Variants in NETO1 observed in about 807,000 individuals in gnomAD.
NETO1 encodes neuropilin and tolloid-like protein 1.
NETO1 carries 26 observed loss-of-function variants against 61.3 expected under a neutral mutation model. The observed-to-expected ratio is 0.42, with a 90% CI of 0.31 to 0.59. The LOEUF is 0.59. Ranked by LOEUF, NETO1 falls within the 20% of genes least tolerant of loss-of-function variation. The probability of loss-of-function intolerance (pLI) is 0.12; values close to 1 mark genes in which losing one functional copy is unlikely to be tolerated. For synonymous variants in NETO1, 225 were observed against 225.8 expected, an observed-to-expected ratio of 1.00 and a Z score of 0.03; for missense variants, 531 against 662.8, an observed-to-expected ratio of 0.80 and a Z score of 2.18.
At chr18:72,860,952 T>C (rs537024049) in intron 3 of NETO1, among the ~76,000 whole-genome samples, 3 of 152,346 alleles carry the variant, frequency 2.0e-5, no homozygotes, top group Non-Finnish European at 4.4e-5. Flanking sequence ...AGTTTTATGA[T>C]GAAACAAATT....
intron 4 of NETO1, among the ~76,000 whole-genome samples, chr18:72,853,043 C>T (rs918893410): frequency 7.9e-5 from 12 of 151,882 alleles, no homozygotes; most frequent in Middle Eastern, 3.2e-3. Context: ...CCATGTTGGC[C>T]AGGTTGGTCT....
intron 7 of NETO1, among the ~76,000 whole-genome samples, chr18:72,777,785 T>C (rs926161504): frequency 6.6e-6 from 1 of 152,080 alleles, no homozygotes; most frequent in East Asian, 1.9e-4. Context: ...TATCTTCGTG[T>C]TCTATCCTTT....
intron 7 of NETO1, among the ~76,000 whole-genome samples, chr18:72,774,548 TA>T (rs1382496708): frequency 6.6e-6 from 1 of 152,174 alleles, no homozygotes; most frequent in Non-Finnish European, 1.5e-5. Context: ...ATTGAGTCCA[TA>T]AAGTAAAATA....
At chr18:72,756,426 G>C (rs748370428) in intron 7 of NETO1, among the ~76,000 whole-genome samples, 1 of 151,810 alleles carries the variant, frequency 6.6e-6, no homozygotes, top group Non-Finnish European at 1.5e-5. Context: ...TTTTTAAGTA[G>C]GCATATTTAT....
At chr18:72,864,726 T>C (rs41499247) in intron 3 of NETO1, 82 bp downstream of exon 3, 123,644 of 1,556,170 alleles carry the variant, frequency 0.079, 6,218 homozygotes, top group African/African-American at 0.24. Context: ...GTAATGCCTA[T>C]ACGCATATTC....
intron 4 of NETO1, among the ~76,000 whole-genome samples, chr18:72,847,803 A>C (rs2074134010): frequency 6.6e-6 from 1 of 152,338 alleles, no homozygotes; most frequent in East Asian, 1.9e-4. Context: ...TCCATCCACC[A>C]GTAAAACCTT....
intron 4 of NETO1, among the ~76,000 whole-genome samples, chr18:72,806,134 T>G (rs1486113373): frequency 6.6e-6 from 1 of 152,112 alleles, no homozygotes; most frequent in Non-Finnish European, 1.5e-5. Context: ...AGTAATTCTG[T>G]GATTAGTTCT....
chr18:72,820,806 C>T (rs1053226804), intron 4 of NETO1, among the ~76,000 whole-genome samples: 1 of 152,166 alleles, frequency 6.6e-6, no homozygotes, highest in African/African-American at 2.4e-5. Flanking sequence ...CGGACTCAAA[C>T]TGAAAAACTG....
intron 4 of NETO1, among the ~76,000 whole-genome samples, chr18:72,841,321 TGA>T (rs2073923133): frequency 6.6e-6 from 1 of 152,032 alleles, no homozygotes; most frequent in South Asian, 2.1e-4. Flanking sequence ...AGGTCCACGG[TGA>T]GAGAAGAAGC....
intron 4 of NETO1, among the ~76,000 whole-genome samples, chr18:72,795,598 C>CT (rs1020847927): frequency 6.6e-6 from 1 of 151,910 alleles, no homozygotes; most frequent in African/African-American, 2.4e-5. Flanking sequence ...GATTTATACT[C>CT]TTTTTTTTCC....
At chr18:72,772,825 C>CTCTCTCTCTA (rs1568187563) in intron 7 of NETO1, among the ~76,000 whole-genome samples, 9 of 40,852 alleles carry the variant, frequency 2.2e-4, no homozygotes, top group East Asian at 1.2e-3. Context: ...CTCTCTCTCT[C>CTCTCTCTCTA]TATATATATA....
intron 4 of NETO1, among the ~76,000 whole-genome samples, chr18:72,838,966 T>C (rs544249523): frequency 1.1e-4 from 16 of 152,312 alleles, no homozygotes; most frequent in African/African-American, 3.8e-4. Context: ...TCCTTCAGGA[T>C]TGTTTTAGAA....
intron 7 of NETO1, among the ~76,000 whole-genome samples, chr18:72,767,091 G>T (rs908614429): frequency 2.0e-5 from 3 of 152,212 alleles, no homozygotes; most frequent in Admixed American, 2.0e-4. Context: ...TTTTATAAAG[G>T]TGCAATACTT....
At chr18:72,797,497 A>T (rs1238194878) in intron 4 of NETO1, among the ~76,000 whole-genome samples, 3 of 152,260 alleles carry the variant, frequency 2.0e-5, no homozygotes, top group Admixed American at 6.5e-5. Context: ...AACTAAGATT[A>T]TAAAGATTGA....
At chr18:72,756,013 A>AT in intron 8 of NETO1, 21 bp downstream of exon 8, 1 of 1,409,748 alleles carries the variant, frequency 7.1e-7, no homozygotes, top group Non-Finnish European at 9.9e-7. Flanking sequence ...TTTTTTTCAA[A>AT]TTTCAGGCAC....
chr18:72,844,018 T>C (rs1457560619), intron 4 of NETO1, among the ~76,000 whole-genome samples: 2 of 152,248 alleles, frequency 1.3e-5, no homozygotes, highest in Non-Finnish European at 2.9e-5. Context: ...TTCTGGTCAC[T>C]ATTCTCTGTT....
At chr18:72,818,514 C>T (rs901938391) in intron 4 of NETO1, among the ~76,000 whole-genome samples, 6 of 152,194 alleles carry the variant, frequency 3.9e-5, no homozygotes, top group South Asian at 2.1e-4. Flanking sequence ...GCTTCTTCCT[C>T]GAAATTTTCA....
chr18:72,862,067 CT>C (rs1250063569), intron 3 of NETO1, among the ~76,000 whole-genome samples: 1 of 152,138 alleles, frequency 6.6e-6, no homozygotes, highest in Non-Finnish European at 1.5e-5. Context: ...CATTCCATTA[CT>C]TTTTTCCCCA....
In NETO1 at chr18:72,835,252, A is replaced by G. The variant is rs923991717; in HGVS notation, c.469+23574T>C. On this transcript the variant is annotated intron_variant, in intron 4 of 10. Transcript: ENST00000327305. ...GTTCTGGGCACCACAGCATCCAGAG[A>G]TGAGATGATGGAGAAGGAGAGATCA... is the stretch of plus-strand genomic sequence containing the variant. 2.8e-5 allele frequency: 43 copies of G among 1,543,752 alleles called. No homozygotes were observed. The African/African-American group carries it at 5.6e-4, about 20-fold the overall frequency.
Sources: allele counts gnomAD v4.1 joint callset (sites outside exome capture counted in the v4.1 genomes callset), GRCh38; gene constraint gnomAD v4.1.1; transcripts MANE v1.5; gene names NCBI Gene and HGNC (gene_info 2026-07-23, HGNC 2026-07-21).